Variants in OR7E24 observed in about 807,000 individuals in gnomAD.
OR7E24 encodes olfactory receptor family 7 subfamily E member 24.
For missense variants in OR7E24, 385 were observed against 410.3 expected (o/e 0.94, Z 0.53); for synonymous variants, 130 against 157.5 (o/e 0.83, Z 1.31).
Position 9,251,420 on chromosome 19 carries a change from C to T in OR7E24, c.377C>T (p.Ala126Val), listed in dbSNP as rs1568336168. The change falls in exon 1 of 1, where the codon GCA becomes GTA. Residue 126 changes from alanine (A) to valine (V), a missense_variant. By Grantham distance (64) the Ala-to-Val change is moderately conservative. Coordinates refer to ENST00000456448, the MANE Select transcript of OR7E24 (RefSeq NM_001079935.2). ...CAGATGTCTTTTTTTGTCCTTTTTGCATGTATGGATGACATGCTCCTGAGT... is the reference window on the plus strand; with the variant it reads ...CAGATGTCTTTTTTTGTCCTTTTTGTATGTATGGATGACATGCTCCTGAGT... ...LTQMSFFVLF[A>V]CMDDMLLSVM... 1.2e-6 allele frequency: 2 copies of T among 1,613,932 alleles called. No homozygotes were observed. Among genetic ancestry groups the T allele is most frequent in the Admixed American group, 3.3e-5 (2 of 59,998 alleles).
chr19:9,242,829 CTTT>C (rs1334439931), upstream of OR7E24, among the ~76,000 whole-genome samples: 3 of 152,132 alleles, frequency 2.0e-5, no homozygotes, highest in East Asian at 5.8e-4. Context: ...TCCCTCCCTC[CTTT>C]TTTACTTTCT....
chr19:9,229,310 A>T, the OR7E24 span, among the ~76,000 whole-genome samples: 1 of 152,032 alleles, frequency 6.6e-6, no homozygotes, highest in Non-Finnish European at 1.5e-5. Flanking sequence ...CGGGTGGATC[A>T]CCGGAGGTCA....
chr19:9,214,669 T>A, the OR7E24 span: 1 of 1,612,568 alleles, frequency 6.2e-7, no homozygotes, highest in African/African-American at 1.3e-5. Flanking sequence ...TACATGGGGG[T>A]GTGGAGGTGG....
At chr19:9,220,604 A>G in the OR7E24 span, among the ~76,000 whole-genome samples, 2 of 152,078 alleles carry the variant, frequency 1.3e-5, no homozygotes, top group Non-Finnish European at 2.9e-5. Context: ...TTCTTTATCC[A>G]TTCATTTATT....
the OR7E24 span, among the ~76,000 whole-genome samples, chr19:9,225,357 C>G: frequency 8.9e-6 from 1 of 112,846 alleles, no homozygotes; most frequent in South Asian, 3.0e-4. Context: ...GCAACAAGAG[C>G]GAAACTCAAG....
the OR7E24 span, among the ~76,000 whole-genome samples, chr19:9,242,195 G>A: frequency 6.6e-6 from 1 of 152,260 alleles, no homozygotes; most frequent in African/African-American, 2.4e-5. Context: ...GATTGTGCTT[G>A]TTGCTTTACA....
the OR7E24 span, among the ~76,000 whole-genome samples, chr19:9,236,964 T>C: frequency 1.3e-5 from 2 of 152,270 alleles, no homozygotes; most frequent in South Asian, 4.1e-4. Flanking sequence ...TTTTCTCTCA[T>C]TCACTCTATT....
Position 9,251,370 on chromosome 19 carries a change from C to T in OR7E24, c.327C>T (p.Val109=). The change falls in exon 1 of 1, where the codon GTC becomes GTT. Residue 109 remains valine (V), a synonymous_variant. Coordinates refer to ENST00000456448, the MANE Select transcript of OR7E24 (RefSeq NM_001079935.2). ...TGGACATGCAAACTCACAGCAGAGT[C>T]ATCTCCTATGAAGGCTGCCTGACTC... ...MIVDMQTHSR[V]ISYEGCLTQM... is the part of the protein sequence containing the mutation. 2.5e-6 allele frequency: 4 copies of T among 1,614,036 alleles called. No homozygotes were observed. Among genetic ancestry groups the T allele is most frequent in the Middle Eastern group, 1.6e-4 (1 of 6,062 alleles).
At chr19:9,232,896 A>G in the OR7E24 span, among the ~76,000 whole-genome samples, 3 of 152,142 alleles carry the variant, frequency 2.0e-5, no homozygotes, top group Non-Finnish European at 4.4e-5. Flanking sequence ...AAGAAAACAC[A>G]ACCTCAGATC....
Position 9,251,986 on chromosome 19 carries a change from A to C in OR7E24, c.943A>C (p.Ile315Leu), listed in dbSNP as rs369434041. Reference sequence around the variant, plus strand: ...CATCTACAGCCTGAGGAACAAGGACATTCAAAGTGCCCTGTGCAGGCTGCA... The same window carrying C: ...CATCTACAGCCTGAGGAACAAGGACCTTCAAAGTGCCCTGTGCAGGCTGCA... ...PFIYSLRNKDIQSALCRLHGR... is the reference protein window; with the variant it reads ...PFIYSLRNKDLQSALCRLHGR... Residue 315 changes from isoleucine to leucine, a missense_variant, in exon 1 of 1, where the codon ATT (isoleucine) becomes CTT (leucine). Transcript: ENST00000456448. 2.5e-6 allele frequency: 4 copies of C among 1,614,082 alleles called. No individual in the cohort carries two copies. In the African/African-American group the frequency reaches 4.0e-5, roughly 16 times the overall value.
At chr19:9,235,289 T>G in the OR7E24 span, 2 of 1,302,424 alleles carry the variant, frequency 1.5e-6, no homozygotes, top group Admixed American at 3.4e-5. Context: ...ATCCTGGCCG[T>G]CAGCTCTGAC....
chr19:9,235,994 T>G, the OR7E24 span: 2 of 1,612,162 alleles, frequency 1.2e-6, no homozygotes, highest in Non-Finnish European at 1.7e-6. Context: ...GTCACCCCCA[T>G]GCTGAACCCC....
chr19:9,227,105 C>T, the OR7E24 span, among the ~76,000 whole-genome samples: 49 of 152,224 alleles, frequency 3.2e-4, no homozygotes, highest in African/African-American at 1.2e-3. Context: ...TCCATGTGTT[C>T]CCATCATTTA....
At chr19:9,216,591 T>C in the OR7E24 span, among the ~76,000 whole-genome samples, 2 of 152,166 alleles carry the variant, frequency 1.3e-5, no homozygotes, top group Admixed American at 1.3e-4. Flanking sequence ...TGAACTTTTG[T>C]TCTTTTGCTT....
the OR7E24 span, among the ~76,000 whole-genome samples, chr19:9,221,381 C>T: frequency 8.0e-4 from 77 of 95,678 alleles, no homozygotes; most frequent in Non-Finnish European, 1.3e-3. Flanking sequence ...GACGGAGTCT[C>T]GCTCTGTCAC....
At chr19:9,230,918 G>T in the OR7E24 span, among the ~76,000 whole-genome samples, 32,807 of 151,790 alleles carry the variant, frequency 0.22, 3,792 homozygotes, top group South Asian at 0.31. Flanking sequence ...TTTATTTATT[G>T]ATTGATTGAT....
chr19:9,246,278 C>T (rs1200375899), upstream of OR7E24, among the ~76,000 whole-genome samples: 1 of 151,756 alleles, frequency 6.6e-6, no homozygotes, highest in African/African-American at 2.4e-5. Flanking sequence ...CCGTGTTAGC[C>T]AGGATGGTCT....
chr19:9,213,727 G>A, the OR7E24 span: 2 of 606,274 alleles, frequency 3.3e-6, no homozygotes, highest in South Asian at 4.0e-5. Context: ...GACAGAGCCA[G>A]ACTCTGTCTC....
the OR7E24 span, chr19:9,211,774 CAAAAAAAAAAAA>C: frequency 1.3e-5 from 1 of 75,930 alleles, no homozygotes; most frequent in Non-Finnish European, 3.0e-5. Context: ...GACTCCATCT[CAAAAAAAAAAAA>C]AAAAAAAAAA....
Sources: allele counts gnomAD v4.1 joint callset (sites outside exome capture counted in the v4.1 genomes callset), GRCh38; gene constraint gnomAD v4.1.1; transcripts MANE v1.5; gene names NCBI Gene and HGNC (gene_info 2026-07-23, HGNC 2026-07-21).